The following SAMSN1 variants were observed in gnomAD, a reference collection of about 807,000 sequenced individuals.
The protein encoded by SAMSN1 is SAM domain, SH3 domain and nuclear localization signals 1.
A neutral mutation model predicts 42.0 loss-of-function variants in SAMSN1; 31 were observed. That is an observed-to-expected ratio of 0.74 (90% CI 0.55 to 1.00). The LOEUF (loss-of-function observed/expected upper bound fraction) is 1.00. SAMSN1 is among the 50% of genes least tolerant of loss of function. The pLI is 0.00. For missense variants in SAMSN1, 464 were observed against 439.4 expected, an observed-to-expected ratio of 1.06 and a Z score of -0.50; for synonymous variants, 178 against 151.9, an observed-to-expected ratio of 1.17 and a Z score of -1.26.
intron 2 of SAMSN1, among the ~76,000 whole-genome samples, chr21:14,559,601 T>G (rs1338626442): frequency 1.3e-5 from 2 of 152,036 alleles, no homozygotes; most frequent in Non-Finnish European, 2.9e-5. Flanking sequence ...ACTCATGGGC[T>G]CCAGAGATCC....
chr21:14,558,673 T>C (rs1229727317), intron 2 of SAMSN1, among the ~76,000 whole-genome samples: 3 of 151,956 alleles, frequency 2.0e-5, no homozygotes, highest in African/African-American at 7.3e-5. Context: ...AGAGTGAGAC[T>C]CCATCTCAAT....
chr21:14,611,331 G>T lies in SAMSN1; in HGVS notation c.235+1545C>A, dbSNP rs146114591. Among the ~76,000 whole-genome samples, 701 of 152,296 alleles carry T rather than the reference G, an allele frequency of 4.6e-3. 15 individuals carry two copies. Among genetic ancestry groups the T allele is most frequent in the Admixed American group, 0.041 (628 of 15,304 alleles). ...GCCTGGACATGTGAAGAAATGAATT[G>T]CACCAAATGGAAAATTGGAGTCCCT... is the stretch of plus-strand genomic sequence containing the variant. On this transcript the variant is annotated intron_variant, in intron 4 of 15. Transcript: ENST00000647101.
At chr21:14,636,570 T>C (rs1983471841) in intron 2 of SAMSN1, among the ~76,000 whole-genome samples, 1 of 152,170 alleles carries the variant, frequency 6.6e-6, no homozygotes, top group African/African-American at 2.4e-5. Context: ...TGGCCAGGCA[T>C]GGTGGCTCAA....
chr21:14,553,254 G>A (rs1407240094), intron 2 of SAMSN1, among the ~76,000 whole-genome samples: 1 of 151,870 alleles, frequency 6.6e-6, no homozygotes, highest in Non-Finnish European at 1.5e-5. Flanking sequence ...TCATGGCTGA[G>A]TTAAATATTG....
At chr21:14,627,224 T>C (rs1274690728) in intron 2 of SAMSN1, among the ~76,000 whole-genome samples, 1 of 151,722 alleles carries the variant, frequency 6.6e-6, no homozygotes, top group East Asian at 1.9e-4. Flanking sequence ...CATGTATACA[T>C]ATGTAACAAA....
chr21:14,511,450 G>C (rs560393554), intron 4 of SAMSN1, among the ~76,000 whole-genome samples: 2 of 152,258 alleles, frequency 1.3e-5, no homozygotes, highest in South Asian at 4.1e-4. Context: ...ATACTAATGA[G>C]ATCTGAATTT....
At chr21:14,569,887 T>A (rs1981239743) in intron 2 of SAMSN1, among the ~76,000 whole-genome samples, 1 of 152,166 alleles carries the variant, frequency 6.6e-6, no homozygotes, top group African/African-American at 2.4e-5. Context: ...TCTAAATTTC[T>A]TGCAGATAGT....
intron 1 of SAMSN1, among the ~76,000 whole-genome samples, chr21:14,531,458 G>A (rs1979262203): frequency 6.6e-6 from 1 of 151,702 alleles, no homozygotes; most frequent in African/African-American, 2.4e-5. Flanking sequence ...TTTCTTTCAG[G>A]ATCTTAGATG....
At chr21:14,625,855 A>G (rs1204321165) in intron 2 of SAMSN1, among the ~76,000 whole-genome samples, 1 of 152,256 alleles carries the variant, frequency 6.6e-6, no homozygotes, top group Non-Finnish European at 1.5e-5. Flanking sequence ...AGCTGGAGGC[A>G]TCACGCTACC....
chr21:14,601,592 C>T (rs1982433591), intron 6 of SAMSN1, among the ~76,000 whole-genome samples: 1 of 152,132 alleles, frequency 6.6e-6, no homozygotes, highest in Non-Finnish European at 1.5e-5. Context: ...ATTAATGTTA[C>T]ATTACTATTA....
chr21:14,539,149 C>A (rs9979842), intron 1 of SAMSN1, among the ~76,000 whole-genome samples: 43,337 of 151,980 alleles, frequency 0.29, 6,486 homozygotes, highest in African/African-American at 0.38. Context: ...GAGTTCTTAA[C>A]ATAAAGCTTA....
In SAMSN1 at chr21:14,541,323, TA is replaced by T. The variant is rs34794481; in HGVS notation, c.57+4881del. ...GACAGATAAAACAAACAAAATCCTG[TA>T]AAAAAAAAAAAAAAGTACATAGCTT... On this transcript the variant is annotated intron_variant, in intron 1 of 7. Coordinates refer to ENST00000400566, the MANE Select transcript of SAMSN1 (RefSeq NM_022136.5). Among the ~76,000 whole-genome samples the T allele has an allele frequency of 7.5e-3, 1,096 of 145,166 alleles. 9 individuals are homozygous for T. Among genetic ancestry groups the T allele is most frequent in the African/African-American group, 0.018 (703 of 39,512 alleles).
At chr21:14,589,666 G>A (rs900000099) in intron 7 of SAMSN1, among the ~76,000 whole-genome samples, 1 of 152,028 alleles carries the variant, frequency 6.6e-6, no homozygotes, top group African/African-American at 2.4e-5. Context: ...TTAGGCTTAT[G>A]GAGACTAACA....
chr21:14,576,082 T>A (rs1297807337), intron 2 of SAMSN1, among the ~76,000 whole-genome samples: 1 of 151,764 alleles, frequency 6.6e-6, no homozygotes, highest in Non-Finnish European at 1.5e-5. Flanking sequence ...CAGTAAAGAG[T>A]GTGTAAAAAA....
chr21:14,638,756 C>CATT (rs1463164837), intron 2 of SAMSN1, among the ~76,000 whole-genome samples: 1 of 152,130 alleles, frequency 6.6e-6, no homozygotes. Flanking sequence ...TTATACGGAA[C>CATT]ATTATTCACC....
chr21:14,489,693 A>C (rs1340543909), intron 7 of SAMSN1, among the ~76,000 whole-genome samples: 1 of 152,146 alleles, frequency 6.6e-6, no homozygotes, highest in Admixed American at 6.5e-5. Context: ...AATAACATTT[A>C]AAAATTACTT....
chr21:14,517,136 T>C, intron 2 of SAMSN1, 95 bp from the exon 3 acceptor site: 1 of 1,195,972 alleles, frequency 8.4e-7, no homozygotes, highest in South Asian at 1.6e-5. Flanking sequence ...AGTTTGTGGA[T>C]TTTGCATGCA....
chr21:14,547,565 T>C (rs1980454968), upstream of SAMSN1, among the ~76,000 whole-genome samples: 1 of 152,152 alleles, frequency 6.6e-6, no homozygotes, highest in South Asian at 2.1e-4. Context: ...TAAACCTAGA[T>C]TTCTGTTTAT....
chr21:14,610,290 T>C (rs1982670494), intron 4 of SAMSN1, among the ~76,000 whole-genome samples: 1 of 151,826 alleles, frequency 6.6e-6, no homozygotes, highest in South Asian at 2.1e-4. Context: ...ACCCTAGGAG[T>C]GTCTGCCTTA....
Sources: gnomAD v4.1 joint callset for allele counts (sites outside exome capture counted in the v4.1 genomes callset) on GRCh38, gnomAD v4.1.1 for gene constraint, MANE v1.5 for transcripts, NCBI Gene and HGNC (gene_info 2026-07-23, HGNC 2026-07-21) for gene names.